Variants in NIPA1 observed in about 807,000 individuals in gnomAD.
The protein encoded by NIPA1 is magnesium transporter NIPA1.
In NIPA1, 13 loss-of-function variants were observed where a neutral mutation model predicts 23.9. The ratio of observed to expected loss-of-function variants is 0.54; its 90% CI spans 0.35 to 0.87. NIPA1 has a LOEUF of 0.87. NIPA1 is among the 40% of genes least tolerant of loss of function. The pLI is 0.01. For missense variants in NIPA1, 362 were observed against 429.7 expected, an observed-to-expected ratio of 0.84 and a Z score of 1.39; for synonymous variants, 234 against 202.9, an observed-to-expected ratio of 1.15 and a Z score of -1.30.
intron 2 of NIPA1, 182 bp downstream of exon 2, chr15:22,810,978 T>C: frequency 1.6e-6 from 1 of 634,538 alleles, no homozygotes; most frequent in East Asian, 2.8e-5. Flanking sequence ...CAGGGCACTC[T>C]CCCTGCTCCC....
At position 22,786,735 on chromosome 15, in the gene NIPA1, G is replaced by A; in HGVS notation, c.79G>A (p.Ala27Thr). Residue 27 changes from alanine (A) to threonine (T), a missense_variant, in exon 1 of 5, where the codon GCC becomes ACC. Physicochemically the swap from Ala to Thr is moderately conservative, Grantham distance 58. Transcript: ENST00000337435. ...GEGARSPSPA[A>T]VSLGLGVAVV... Reference sequence around the variant, plus strand: ...GGGGGCGCGTAGCCCGAGCCCCGCCGCCGTGTCGCTCGGCCTGGGCGTGGC... The same window carrying A: ...GGGGGCGCGTAGCCCGAGCCCCGCCACCGTGTCGCTCGGCCTGGGCGTGGC... The A allele has an allele frequency of 1.6e-6, 2 of 1,264,010 alleles. No homozygotes were observed. Among genetic ancestry groups the A allele is most frequent in the Non-Finnish European group, 2.0e-6 (2 of 985,266 alleles). 78.3% of individuals were successfully genotyped at this position (1,264,010 alleles called of 1,614,324 possible).
intron 1 of NIPA1, among the ~76,000 whole-genome samples, chr15:22,809,063 G>A (rs1216946045): frequency 2.0e-5 from 3 of 152,026 alleles, no homozygotes; most frequent in African/African-American, 7.2e-5. Context: ...CCAAATTGTG[G>A]TTTTCCTACT....
intron 3 of NIPA1, among the ~76,000 whole-genome samples, chr15:22,819,063 T>C (rs933773261): frequency 3.9e-5 from 6 of 152,080 alleles, no homozygotes; most frequent in Admixed American, 2.0e-4. Flanking sequence ...TTCATGTCTT[T>C]TGTTGTTTCT....
intron 1 of NIPA1, among the ~76,000 whole-genome samples, chr15:22,800,350 G>T (rs1302998020): frequency 6.6e-6 from 1 of 152,048 alleles, no homozygotes; most frequent in Non-Finnish European, 1.5e-5. Context: ...AGAAAATTAA[G>T]AATAATTTTT....
chr15:22,811,394 G>A (rs1895311238), intron 2 of NIPA1, among the ~76,000 whole-genome samples: 1 of 152,134 alleles, frequency 6.6e-6, no homozygotes, highest in African/African-American at 2.4e-5. Context: ...GATTGTTTGA[G>A]CCCAGGAGTT....
chr15:22,828,003 ACTTAGG>A lies in NIPA1; in HGVS notation c.*3768_*3773del, dbSNP rs961727712. 2.6e-5 allele frequency: 4 copies of A among 152,274 alleles called. 1 individual carries two copies. Among genetic ancestry groups the A allele is most frequent in the Admixed American group, 2.6e-4 (4 of 15,266 alleles). The allele number at this position is 152,274 out of a possible 1,614,324, so 9.4% of individuals were successfully genotyped here. A position where few individuals can be genotyped will look rare whatever the true frequency, so the allele number is the denominator to read the frequency against. ...TCGACCTGACACCTGCTCGATGCTG[ACTTAGG>A]CTTCCTGCCACCAAGCAGGAAACTA... is the stretch of plus-strand genomic sequence containing the variant. On this transcript the variant is annotated 3_prime_UTR_variant, in exon 5 of 5. Transcript: ENST00000337435.
chr15:22,823,657 C>G (rs1895588854), intron 4 of NIPA1, 71 bp from the exon 5 acceptor site: 1 of 1,498,242 alleles, frequency 6.7e-7, no homozygotes, highest in Admixed American at 1.9e-5. Context: ...CCGGGTGCTG[C>G]CCCAGTCCAC....
chr15:22,828,550 T>G lies in NIPA1; in HGVS notation c.*4311T>G, dbSNP rs1374334399. On this transcript the variant is annotated 3_prime_UTR_variant, in exon 5 of 5. Transcript: ENST00000337435. ...GGCCCACTACCACGACTCATTTGTTTCATTCACATTCCTCACGTGCAACAA... is the reference window on the plus strand; with the variant it reads ...GGCCCACTACCACGACTCATTTGTTGCATTCACATTCCTCACGTGCAACAA... 6.6e-6 allele frequency: 1 copy of G among 152,566 alleles called. No individual in the cohort carries two copies. The highest frequency in any genetic ancestry group is 1.5e-5 in the Non-Finnish European group (1 of 68,032). 9.5% of individuals were successfully genotyped at this position (152,566 alleles called of 1,614,324 possible). A position where few individuals can be genotyped will look rare whatever the true frequency, so the allele number is the denominator to read the frequency against.
At chr15:22,821,041 G>C (rs1165492478) in intron 4 of NIPA1, among the ~76,000 whole-genome samples, 1 of 150,666 alleles carries the variant, frequency 6.6e-6, no homozygotes, top group Non-Finnish European at 1.5e-5. Flanking sequence ...GCAGTGGCGC[G>C]ATCTCAGCTC....
rs754584364 is a variant in NIPA1, at chr15:22,824,107, G to A, written c.858G>A (p.Val286=). The A allele has an allele frequency of 1.2e-6, 2 of 1,614,146 alleles. No individual in the cohort carries two copies. Among genetic ancestry groups the A allele is most frequent in the Non-Finnish European group, 8.5e-7 (1 of 1,179,962 alleles). Residue 286 remains valine (V), a synonymous_variant, in exon 5 of 5, where the codon GTG becomes GTA. Coordinates refer to ENST00000337435, the MANE Select transcript of NIPA1 (RefSeq NM_144599.5). The surrounding 1 kb of genome is among the most constrained non-coding windows in gnomAD (Gnocchi z 4.1). ...TCCTCTTCCGGGAGTGGAGCAACGT[G>A]GGCCTGGTGGACTTCTTGGGGATGG... The part of the protein sequence containing the change: ...SAILFREWSN[V]GLVDFLGMAC...
At chr15:22,789,802 G>GT (rs976987531) in intron 1 of NIPA1, among the ~76,000 whole-genome samples, 30 of 151,576 alleles carry the variant, frequency 2.0e-4, no homozygotes, top group African/African-American at 6.1e-4. Context: ...AGGAATGAAA[G>GT]TTTTTTTTTG....
At position 22,824,407 on chromosome 15, in the gene NIPA1, C is replaced by T; in HGVS notation, c.*168C>T. On this transcript the variant is annotated 3_prime_UTR_variant, in exon 5 of 5. Transcript: ENST00000337435. The surrounding 1 kb of genome is among the most constrained non-coding windows in gnomAD (Gnocchi z 4.1). ...GCATGGCTCAGCACCAGAGCAGAGG[C>T]CCAGCCAGCCCTCTGCAGCCCAAAC... 1.5e-6 allele frequency: 1 copy of T among 670,930 alleles called. No homozygotes were observed. Among genetic ancestry groups the T allele is most frequent in the South Asian group, 1.7e-5 (1 of 58,286 alleles). The allele number at this position is 670,930 out of a possible 1,614,324, so 41.6% of individuals were successfully genotyped here.
chr15:22,829,169 TTCC>T lies in NIPA1; in HGVS notation c.*4931_*4933del, dbSNP rs1895706119. On this transcript the variant is annotated 3_prime_UTR_variant, in exon 5 of 5. Transcript: ENST00000337435. ...CAGAAAGCCGCACAGAAAGATCACC[TTCC>T]GATGGTGTGATGTGCTCCTGACATT... 6.6e-6 allele frequency: 1 copy of T among 152,254 alleles called. No homozygotes were observed. The highest frequency in any genetic ancestry group is 2.4e-5 in the African/African-American group (1 of 41,478). The allele number at this position is 152,254 out of a possible 1,614,324, so 9.4% of individuals were successfully genotyped here.
In NIPA1 at chr15:22,829,372, A is replaced by G. The variant is rs1895710358; in HGVS notation, c.*5133A>G. On this transcript the variant is annotated 3_prime_UTR_variant, in exon 5 of 5. Coordinates refer to ENST00000337435, the MANE Select transcript of NIPA1 (RefSeq NM_144599.5). The stretch of plus-strand genomic sequence containing the variant: ...CCCAAACCACTAGTGCCAAAGGGTC[A>G]TGTTGAAAAGTTCAGAATATTTATT... 2 of 152,642 alleles carry G rather than the reference A, an allele frequency of 1.3e-5. No homozygotes were observed. The highest frequency in any genetic ancestry group is 2.1e-4 in the South Asian group (1 of 4,832). The allele number at this position is 152,642 out of a possible 1,614,324, so 9.5% of individuals were successfully genotyped here.
chr15:22,810,889 C>G (rs997449068), intron 2 of NIPA1, 93 bp downstream of exon 2: 2 of 995,600 alleles, frequency 2.0e-6, no homozygotes. Context: ...TAGGGTGGCT[C>G]TGTTCTTTGG....
At chr15:22,823,041 C>T (rs1895573614) in intron 4 of NIPA1, among the ~76,000 whole-genome samples, 1 of 146,914 alleles carries the variant, frequency 6.8e-6, no homozygotes, top group East Asian at 2.1e-4. Flanking sequence ...GCCTCAGCCT[C>T]CTGAGTAGCT....
At chr15:22,793,601 C>T (rs926843943) in intron 1 of NIPA1, among the ~76,000 whole-genome samples, 9 of 151,740 alleles carry the variant, frequency 5.9e-5, no homozygotes, top group South Asian at 2.1e-4. Flanking sequence ...CCACCATGCC[C>T]GGCTAATTTT....
At chr15:22,810,474 T>G (rs1895296317) in intron 1 of NIPA1, among the ~76,000 whole-genome samples, 1 of 152,076 alleles carries the variant, frequency 6.6e-6, no homozygotes, top group African/African-American at 2.4e-5. Flanking sequence ...TGTGGTAGCT[T>G]GTTGGGTGAA....
intron 1 of NIPA1, among the ~76,000 whole-genome samples, chr15:22,797,781 C>T (rs1420223371): frequency 6.7e-6 from 1 of 149,184 alleles, no homozygotes; most frequent in East Asian, 2.0e-4. Context: ...GGGATTACAG[C>T]AGGCGTGAGC....
Sources: allele counts gnomAD v4.1 joint callset (sites outside exome capture counted in the v4.1 genomes callset), GRCh38; gene constraint gnomAD v4.1.1; non-coding constraint Gnocchi (gnomAD v3.1); transcripts MANE v1.5; gene names NCBI Gene and HGNC (gene_info 2026-07-23, HGNC 2026-07-21).